Variants in MEIG1 observed in about 807,000 individuals in gnomAD.
MEIG1 encodes meiosis expressed gene 1 protein homolog.
In MEIG1, 12 loss-of-function variants were observed where a neutral mutation model predicts 11.3. The observed-to-expected ratio is 1.07, with a 90% CI of 0.68 to 1.73. MEIG1 has a LOEUF of 1.73. Ranked by LOEUF, MEIG1 falls within the 40% of genes most tolerant of loss-of-function variation. The pLI is 0.00. For synonymous variants in MEIG1, 41 were observed against 33.2 expected (o/e 1.24, Z -0.81); for missense variants, 119 against 104.9 (o/e 1.13, Z -0.59).
At chr10:14,973,106 TC>T (rs1464591817), downstream of MEIG1, among the ~76,000 whole-genome samples, 1 of 152,142 alleles carries the variant, frequency 6.6e-6, no homozygotes, top group Non-Finnish European at 1.5e-5. Context: ...CCTCAAGTGA[TC>T]TGCCCGCCTC....
chr10:14,981,868 C>A (rs1203656591), intron 1 of MEIG1, among the ~76,000 whole-genome samples: 1 of 152,206 alleles, frequency 6.6e-6, no homozygotes, highest in Non-Finnish European at 1.5e-5. Flanking sequence ...TGGGGGGACC[C>A]CTCTGATTGC....
At chr10:14,965,172 AATTT>A (rs1367483152) in intron 1 of MEIG1, among the ~76,000 whole-genome samples, 2 of 152,156 alleles carry the variant, frequency 1.3e-5, no homozygotes, top group Admixed American at 6.6e-5. Flanking sequence ...ATAAAATATT[AATTT>A]ATTTACAGGA....
intron 1 of MEIG1, among the ~76,000 whole-genome samples, chr10:14,981,547 A>G (rs192237534): frequency 0.048 from 7,239 of 152,182 alleles, 235 homozygotes; most frequent in Non-Finnish European, 0.072. Context: ...CGGGGCGGTT[A>G]CTAGCGAATG....
downstream of MEIG1, among the ~76,000 whole-genome samples, chr10:14,973,971 G>T (rs1374475299): frequency 6.6e-6 from 1 of 152,068 alleles, no homozygotes; most frequent in East Asian, 1.9e-4. Context: ...TTATTTCAGG[G>T]CTATCGGGAT....
At chr10:14,975,803 C>A (rs1843203794), downstream of MEIG1, among the ~76,000 whole-genome samples, 2 of 152,014 alleles carry the variant, frequency 1.3e-5, no homozygotes, top group African/African-American at 4.8e-5. Context: ...ATGGACACGC[C>A]CCCAGTGATA....
intron 2 of MEIG1, chr10:14,987,280 A>G (rs1843328587): frequency 1.3e-6 from 1 of 788,024 alleles, no homozygotes. Context: ...GGGGGGAGTC[A>G]GAGCTGACAG....
At chr10:14,986,510 AT>A (rs1225210186) in intron 1 of MEIG1, among the ~76,000 whole-genome samples, 2 of 152,134 alleles carry the variant, frequency 1.3e-5, no homozygotes, top group Non-Finnish European at 2.9e-5. Flanking sequence ...ATCTTTCTGT[AT>A]TTCAGGACCC....
intron 1 of MEIG1, among the ~76,000 whole-genome samples, chr10:14,964,016 T>C (rs1338431754): frequency 1.3e-5 from 2 of 149,630 alleles, no homozygotes; most frequent in Admixed American, 6.8e-5. Context: ...GAGAATAGCA[T>C]GAACCTGGGA....
chr10:14,975,239 A>G (rs1843198078), downstream of MEIG1, among the ~76,000 whole-genome samples: 1 of 151,952 alleles, frequency 6.6e-6, no homozygotes. Flanking sequence ...AGAGGGTGAT[A>G]TTACTCCCAA....
At chr10:14,976,363 C>T (rs1370910270), downstream of MEIG1, among the ~76,000 whole-genome samples, 1 of 152,118 alleles carries the variant, frequency 6.6e-6, no homozygotes, top group African/African-American at 2.4e-5. Context: ...AGTATCCTAG[C>T]GGGACATTAA....
chr10:14,979,735 T>C (rs1843245958), intron 1 of MEIG1, among the ~76,000 whole-genome samples: 1 of 151,990 alleles, frequency 6.6e-6, no homozygotes, highest in Admixed American at 6.5e-5. Context: ...CTTGATATTA[T>C]TCCTAATATC....
chr10:14,963,284 C>T (rs984255172), intron 1 of MEIG1, among the ~76,000 whole-genome samples: 4 of 151,552 alleles, frequency 2.6e-5, no homozygotes, highest in Non-Finnish European at 5.9e-5. Flanking sequence ...TTAGTAGCGA[C>T]GGGTTTCTCC....
At chr10:14,987,552 A>G (rs1843331770) in intron 2 of MEIG1, 1 of 614,494 alleles carries the variant, frequency 1.6e-6, no homozygotes, top group African/African-American at 1.9e-5. Context: ...ACACTTGCAG[A>G]CCATACACCA....
chr10:14,958,879 G>T (rs1469525126), upstream of MEIG1, among the ~76,000 whole-genome samples: 1 of 151,864 alleles, frequency 6.6e-6, no homozygotes, highest in Non-Finnish European at 1.5e-5. Flanking sequence ...CTGGGCGACG[G>T]AGCGAGACTC....
At chr10:14,979,024 G>A (rs148448737) in intron 1 of MEIG1, among the ~76,000 whole-genome samples, 14 of 152,034 alleles carry the variant, frequency 9.2e-5, no homozygotes, top group Non-Finnish European at 1.3e-4. Flanking sequence ...GATATTATTC[G>A]TAATATCCTG....
intron 2 of MEIG1, among the ~76,000 whole-genome samples, chr10:14,971,243 A>G (rs529149177): frequency 6.7e-6 from 1 of 150,032 alleles, no homozygotes; most frequent in East Asian, 1.9e-4. Flanking sequence ...TAATAACAAC[A>G]ATAAAGAATG....
At chr10:14,983,322 C>T (rs1236685866) in intron 1 of MEIG1, among the ~76,000 whole-genome samples, 1 of 152,092 alleles carries the variant, frequency 6.6e-6, no homozygotes, top group Non-Finnish European at 1.5e-5. Flanking sequence ...CACAACCCTT[C>T]TGTGACATCG....
chr10:14,976,052 C>G (rs1462265237), downstream of MEIG1, among the ~76,000 whole-genome samples: 4 of 152,096 alleles, frequency 2.6e-5, no homozygotes, highest in Non-Finnish European at 2.9e-5. Context: ...CAGGGGGGGA[C>G]CGGGGGGTGA....
intron 1 of MEIG1, among the ~76,000 whole-genome samples, chr10:14,985,136 CAG>C (rs1347416869): frequency 1.3e-5 from 2 of 151,660 alleles, no homozygotes; most frequent in East Asian, 2.0e-4. Flanking sequence ...GGGGTGTACA[CAG>C]AGTCACACAG....
Sources: allele counts gnomAD v4.1 joint callset (sites outside exome capture counted in the v4.1 genomes callset), GRCh38; gene constraint gnomAD v4.1.1; transcripts MANE v1.5; gene names NCBI Gene and HGNC (gene_info 2026-07-23, HGNC 2026-07-21).